MACF1: variants seen among roughly 807,000 people sequenced by gnomAD.
MACF1 encodes the protein microtubule actin crosslinking factor 1, also known as microtubule-actin cross-linking factor 1.
A neutral mutation model predicts 854.8 loss-of-function variants in MACF1; 193 were observed. The ratio of observed to expected loss-of-function variants is 0.23; its 90% CI spans 0.20 to 0.25. MACF1 has a LOEUF of 0.25. MACF1 is among the 10% of genes least tolerant of loss of function. The probability of loss-of-function intolerance (pLI) is 1.00; values close to 1 mark genes in which losing one functional copy is unlikely to be tolerated. For missense variants in MACF1, 7,722 were observed against 8,929.1 expected, an observed-to-expected ratio of 0.86 and a Z score of 5.45; for synonymous variants, 3,185 against 3,226.7, an observed-to-expected ratio of 0.99 and a Z score of 0.44.
rs746529212 is a variant in MACF1, at chr1:39,285,633, G to T, written c.1383G>T (p.Pro461=). The T allele has an allele frequency of 6.2e-7, 1 of 1,613,810 alleles. No homozygotes were observed. Among genetic ancestry groups the T allele is most frequent in the Non-Finnish European group, 8.5e-7 (1 of 1,179,942 alleles). ...ADAAHLESGQ[P]VQCESDVIMY... ...CTGCTCACCTGGAATCAGGACAACC[G>T]GTACAATGTGAGTCAGATGTCATTA... Residue 461 remains proline, a synonymous_variant, in exon 14 of 101, where the codon CCG becomes CCT. Transcript: ENST00000564288.
chr1:39,155,424 C>T (rs1205781056), intron 2 of MACF1, among the ~76,000 whole-genome samples: 1 of 152,048 alleles, frequency 6.6e-6, no homozygotes, highest in Non-Finnish European at 1.5e-5. Context: ...TCTGAATAGA[C>T]TTTAAAAAAG....
intron 2 of MACF1, among the ~76,000 whole-genome samples, chr1:39,091,540 G>T (rs192733789): frequency 4.8e-4 from 73 of 152,192 alleles, no homozygotes; most frequent in Admixed American, 2.6e-4. Context: ...TCTGTCACCA[G>T]GCTGGAGTGC....
rs779116424 is a variant in MACF1 at position 39,335,188 on chromosome 1, T to C, written c.8600T>C (p.Ile2867Thr). ...MSSDAKEFIS[I>T]INPHNLKGKS... The stretch of plus-strand genomic sequence containing the variant: ...TCAGATGCTAAAGAATTTATCAGTA[T>C]CATAAATCCTCATAATCTTAAAGGT... The change falls in exon 37 of 101, where the codon ATC (isoleucine) becomes ACC (threonine). Residue 2867 changes from isoleucine to threonine, a missense_variant. Physicochemically the swap from Ile to Thr is moderately conservative, Grantham distance 89. This residue lies in a region of MACF1 where 854 missense variants were observed against 852.6 expected (regional missense o/e 1.00). Transcript: ENST00000564288. 9 of 1,613,860 alleles carry C rather than the reference T, an allele frequency of 5.6e-6. No homozygotes were observed. The African/African-American group carries it at 1.2e-4, about 22-fold the overall frequency.
Position 39,378,504 on chromosome 1 carries a change from C to T in MACF1, c.13257C>T (p.Asn4419=), listed in dbSNP as rs1194930143. The T allele has an allele frequency of 3.1e-6, 5 of 1,613,912 alleles. No individual in the cohort carries two copies. Among genetic ancestry groups the T allele is most frequent in the East Asian group, 2.2e-5 (1 of 44,880 alleles). Residue 4419 remains asparagine (N), a synonymous_variant, in exon 53 of 101, where the codon AAC becomes AAT. Coordinates refer to ENST00000564288, the MANE Select transcript of MACF1 (RefSeq NM_001394062.1). The stretch of plus-strand genomic sequence containing the variant: ...TAGGAAGCTCTGTAGGCAGTGTAAA[C>T]GGATACCACACCTGCAAAGGTGAGA... ...PSVGSSVGSV[N]GYHTCKDLTE... is the part of the protein sequence containing the mutation.
intron 38 of MACF1, among the ~76,000 whole-genome samples, chr1:39,337,769 G>T (rs535239327): frequency 3.2e-4 from 45 of 141,038 alleles, no homozygotes; most frequent in African/African-American, 5.5e-4. Context: ...GTTTTTTTGT[G>T]TGTGTGTGTT....
At chr1:39,380,948 A>G (rs1650134403) in intron 55 of MACF1, among the ~76,000 whole-genome samples, 1 of 152,192 alleles carries the variant, frequency 6.6e-6, no homozygotes, top group Non-Finnish European at 1.5e-5. Flanking sequence ...AGAGAGTATT[A>G]ATGATAAAAA....
At chr1:39,273,766 A>T (rs937798526) in intron 6 of MACF1, among the ~76,000 whole-genome samples, 4 of 151,878 alleles carry the variant, frequency 2.6e-5, no homozygotes, top group African/African-American at 7.3e-5. Flanking sequence ...AATTTTTTGT[A>T]TTTTTAATAG....
rs2148382800 is a variant in MACF1 at position 39,283,283 on chromosome 1, C to T, written c.790C>T (p.Arg264Cys). ...FEVAERLGVT[R>C]LLDAEDVDVP... ...AGTGGCAGAAAGACTGGGGGTCACT[C>T]GCCTGCTGGATGCAGAAGGTGAGAG... The change falls in exon 8 of 101, where the codon CGC (arginine) becomes TGC (cysteine). Residue 264 changes from arginine to cysteine, a missense_variant. Coordinates refer to ENST00000564288, the MANE Select transcript of MACF1 (RefSeq NM_001394062.1). This position sits in a 1 kb window ranked among gnomAD's most constrained non-coding sequence, Gnocchi z 4.5. The T allele has an allele frequency of 6.2e-7, 1 of 1,612,776 alleles. No homozygotes were observed. The highest frequency in any genetic ancestry group is 8.5e-7 in the Non-Finnish European group (1 of 1,178,802).
chr1:39,234,444 CG>C (rs1557533872), intron 2 of MACF1, among the ~76,000 whole-genome samples: 1 of 145,462 alleles, frequency 6.9e-6, no homozygotes, highest in African/African-American at 2.6e-5. Context: ...CCCTCCCGGA[CG>C]GGGCGGCTGG....
chr1:39,415,737 C>T (rs1391083286), intron 58 of MACF1, among the ~76,000 whole-genome samples: 1 of 152,124 alleles, frequency 6.6e-6, no homozygotes, highest in East Asian at 1.9e-4. Context: ...TCCTTGAGCA[C>T]TCCTAGTCCA....
In MACF1 at chr1:39,455,101, T is replaced by C; in HGVS notation, c.21075+4T>C. On this transcript the variant is annotated splice_donor_region_variant and intron_variant, in intron 89 of 100. Transcript: ENST00000564288. ...AGCCCTTATCGCTGAGCATCAGGTA[T>C]CTTAACCTCACTGTGTGATCACTGG... The C allele has an allele frequency of 1.2e-6, 2 of 1,613,242 alleles. No homozygotes were observed. Among genetic ancestry groups the C allele is most frequent in the Non-Finnish European group, 1.7e-6 (2 of 1,179,412 alleles).
Position 39,310,335 on chromosome 1 carries a change from G to A in MACF1, c.3007G>A (p.Val1003Met). Reference sequence around the variant, plus strand: ...CTTTCTGCAGGATAGTCGTGACTCTGTGCTGTTCTCAGTGGCTGATCGCTT... The same window carrying A: ...CTTTCTGCAGGATAGTCGTGACTCTATGCTGTTCTCAGTGGCTGATCGCTT... ...EDFLQDSRDS[V>M]LFSVADRLRL... The change falls in exon 25 of 101, where the codon GTG (valine) becomes ATG (methionine). Residue 1003 changes from valine (V) to methionine (M), a missense_variant. Coordinates refer to ENST00000564288, the MANE Select transcript of MACF1 (RefSeq NM_001394062.1). 2 of 1,614,154 alleles carry A rather than the reference G, an allele frequency of 1.2e-6. No individual in the cohort carries two copies. Among genetic ancestry groups the A allele is most frequent in the Non-Finnish European group, 1.7e-6 (2 of 1,180,018 alleles).
chr1:39,438,034 A>G (rs753143753), intron 71 of MACF1, 26 bp downstream of exon 71: 4 of 1,591,002 alleles, frequency 2.5e-6, no homozygotes, highest in Non-Finnish European at 3.4e-6. Context: ...CATTATTTTT[A>G]AAAATCAACA....
rs777806070 is a variant in MACF1 at position 39,379,389 on chromosome 1, C to G, written c.13463C>G (p.Ala4488Gly). Residue 4488 changes from alanine (A) to glycine (G), a missense_variant, in exon 54 of 101, where the codon GCC (alanine) becomes GGC (glycine). Coordinates refer to ENST00000564288, the MANE Select transcript of MACF1 (RefSeq NM_001394062.1). ...SKEEVLKSMD[A>G]MSSPTKTETV... ...GAGGAAGTCCTGAAATCCATGGATG[C>G]CATGTCATCTCCAACCAAGACAGAA... The G allele has an allele frequency of 6.2e-7, 1 of 1,614,066 alleles. No homozygotes were observed. The highest frequency in any genetic ancestry group is 8.5e-7 in the Non-Finnish European group (1 of 1,180,000).
At chr1:39,433,185 G>T (rs1241535530) in intron 68 of MACF1, 30 bp downstream of exon 68, 2 of 1,367,022 alleles carry the variant, frequency 1.5e-6, no homozygotes, top group East Asian at 2.3e-5. Flanking sequence ...TTGCCATATT[G>T]TTCCTGTTTT....
chr1:39,127,179 G>A (rs74702524), intron 2 of MACF1, among the ~76,000 whole-genome samples: 4,090 of 152,264 alleles, frequency 0.027, 168 homozygotes, highest in African/African-American at 0.093. Flanking sequence ...CTGAGATCAC[G>A]CCACTGCACG....
At chr1:39,478,474 G>GA (rs1366484512) in intron 97 of MACF1, among the ~76,000 whole-genome samples, 1 of 152,126 alleles carries the variant, frequency 6.6e-6, no homozygotes, top group Non-Finnish European at 1.5e-5. Flanking sequence ...GCCAGAGCAG[G>GA]AAAAAAATCA....
In MACF1 at chr1:39,247,426, A is replaced by T. The variant is rs548917054; in HGVS notation, c.172-2588A>T. The stretch of plus-strand genomic sequence containing the variant: ...ACATACAATTAAATAAATTATATTT[A>T]AAGTAAATGTAATACATCCTCAAAG... On this transcript the variant is annotated intron_variant, in intron 2 of 100. Coordinates refer to ENST00000564288, the MANE Select transcript of MACF1 (RefSeq NM_001394062.1). Among the ~76,000 whole-genome samples, 4 of 152,310 alleles carry T rather than the reference A, an allele frequency of 2.6e-5. No homozygotes were observed. The South Asian group carries it at 8.3e-4, about 32-fold the overall frequency.
At chr1:39,207,569 C>G (rs550229074) in intron 1 of MACF1, among the ~76,000 whole-genome samples, 12 of 152,084 alleles carry the variant, frequency 7.9e-5, no homozygotes, top group Admixed American at 4.6e-4. Flanking sequence ...TGTGAGCCAC[C>G]GTGCCTGGCT....
Sources: allele counts gnomAD v4.1 joint callset (sites outside exome capture counted in the v4.1 genomes callset), GRCh38; gene constraint gnomAD v4.1.1; regional missense constraint gnomAD v4.1.1; non-coding constraint Gnocchi (gnomAD v3.1); transcripts MANE v1.5; gene names NCBI Gene and HGNC (gene_info 2026-07-23, HGNC 2026-07-21).